RALGDS: variants seen among roughly 807,000 people sequenced by gnomAD.
RALGDS encodes the protein ral guanine nucleotide exchange factor.
In RALGDS, 44 loss-of-function variants were observed where a neutral mutation model predicts 99.8. That is an observed-to-expected ratio of 0.44 (90% CI 0.35 to 0.57). The LOEUF is 0.57. Ranked by LOEUF, RALGDS falls within the 20% of genes least tolerant of loss-of-function variation. The pLI, the probability that RALGDS is intolerant of heterozygous loss-of-function variation, is 0.01. For missense variants in RALGDS, 1,022 were observed against 1,203.1 expected (o/e 0.85, Z 2.23); for synonymous variants, 529 against 505.0 (o/e 1.05, Z -0.64).
upstream of RALGDS, among the ~76,000 whole-genome samples, chr9:133,131,402 T>A (rs952714857): frequency 9.9e-5 from 15 of 151,740 alleles, no homozygotes; most frequent in Admixed American, 5.2e-4. Context: ...TCCACTAAAA[T>A]CCCTCCACCA....
intron 16 of RALGDS, 131 bp from the exon 17 acceptor site, chr9:133,100,513 T>C (rs1830706444): frequency 6.4e-7 from 1 of 1,569,244 alleles, no homozygotes; most frequent in Non-Finnish European, 8.6e-7. Context: ...GGCCAGGTGC[T>C]GGGTCCGGAG....
upstream of RALGDS, among the ~76,000 whole-genome samples, chr9:133,134,211 C>A (rs1285250545): frequency 6.6e-6 from 1 of 152,206 alleles, no homozygotes; most frequent in Non-Finnish European, 1.5e-5. Flanking sequence ...GGAGGCTGCA[C>A]CTATGCCTGG....
chr9:133,142,308 T>C (rs997464098), intron 1 of RALGDS, among the ~76,000 whole-genome samples: 3 of 152,138 alleles, frequency 2.0e-5, no homozygotes, highest in South Asian at 4.1e-4. Context: ...TCCTGGACCC[T>C]GGTCTCTGCA....
At chr9:133,102,184 A>T in intron 14 of RALGDS, 45 bp from the exon 15 acceptor site, 1 of 1,539,340 alleles carries the variant, frequency 6.5e-7, no homozygotes, top group Non-Finnish European at 8.8e-7. Context: ...CCAAGGACAC[A>T]TCCCAACCCC....
intron 1 of RALGDS, among the ~76,000 whole-genome samples, chr9:133,112,934 C>A (rs748384336): frequency 6.6e-6 from 1 of 152,210 alleles, no homozygotes; most frequent in Non-Finnish European, 1.5e-5. Context: ...TGGGGTTCCA[C>A]AGAGCCCTAA....
intron 16 of RALGDS, chr9:133,101,028 CA>C: frequency 9.4e-7 from 1 of 1,065,216 alleles, no homozygotes. Flanking sequence ...CAGGCAAACC[CA>C]TTCTGTGAGC....
rs764765524 is a variant in RALGDS, at chr9:133,098,680, G to A, written c.2652C>T (p.Thr884=). 1.9e-6 allele frequency: 3 copies of A among 1,614,116 alleles called. No homozygotes were observed. In the South Asian group the frequency reaches 3.3e-5, roughly 18 times the overall value. The part of the protein sequence containing the change: ...ANYDFVLKKR[T]FTKGVKVKHG... ...GCTTGACCTTCACTCCCTTGGTGAAGGTCCGCTTCTTGAGGACAAAGTCAT... is the reference window on the plus strand; with the variant it reads ...GCTTGACCTTCACTCCCTTGGTGAAAGTCCGCTTCTTGAGGACAAAGTCAT... The change falls in exon 18 of 18, where the codon ACC becomes ACT. Residue 884 remains threonine, a synonymous_variant. Coordinates refer to ENST00000372050, the MANE Select transcript of RALGDS (RefSeq NM_006266.4).
chr9:133,143,738 C>CAATAATAAT (rs747330308), intron 1 of RALGDS, among the ~76,000 whole-genome samples: 1,361 of 107,972 alleles, frequency 0.013, 22 homozygotes, highest in East Asian at 0.026. Context: ...GACCCTGTCT[C>CAATAATAAT]AATAATAATA....
chr9:133,134,544 C>A (rs752787132), upstream of RALGDS, among the ~76,000 whole-genome samples: 3 of 152,220 alleles, frequency 2.0e-5, no homozygotes, highest in Non-Finnish European at 2.9e-5. Context: ...AGTGCCAAGG[C>A]AGGGTGTAAG....
At chr9:133,119,538 T>A (rs529157196) in intron 1 of RALGDS, among the ~76,000 whole-genome samples, 3 of 152,166 alleles carry the variant, frequency 2.0e-5, no homozygotes, top group East Asian at 1.9e-4. Context: ...TGCCTCTCCC[T>A]CAGTTCCTCA....
chr9:133,110,460 A>G lies in RALGDS; in HGVS notation c.324T>C (p.Tyr108=). 6.2e-7 allele frequency: 1 copy of G among 1,613,082 alleles called. No individual in the cohort carries two copies. The highest frequency in any genetic ancestry group is 2.2e-5 in the East Asian group (1 of 44,884). Residue 108 remains tyrosine (Y), a synonymous_variant, in exon 3 of 18, where the codon TAT becomes TAC. Coordinates refer to ENST00000372050, the MANE Select transcript of RALGDS (RefSeq NM_006266.4). ...GYENESALNL[Y]ETCKVRTVKA... ...TCACGGTCCGCACCTTGCAAGTCTC[A>G]TAAAGGTTCAGGGCCGACTCATTCT...
intron 1 of RALGDS, among the ~76,000 whole-genome samples, chr9:133,120,240 A>G (rs995176724): frequency 2.6e-5 from 4 of 151,142 alleles, no homozygotes; most frequent in African/African-American, 7.3e-5. Flanking sequence ...CCTCCCCTCC[A>G]TCCATCACAG....
Position 133,112,072 on chromosome 9 carries a change from G to A in RALGDS, c.264C>T (p.His88=), listed in dbSNP as rs749027818. The change falls in exon 2 of 18, where the codon CAC becomes CAT. Residue 88 remains histidine, a synonymous_variant. Coordinates refer to ENST00000372050, the MANE Select transcript of RALGDS (RefSeq NM_006266.4). ...SISLRKVQLH[H]GGNKGQRWLG... The stretch of plus-strand genomic sequence containing the variant: ...GCCAGCGCTGCCCCTTGTTGCCTCC[G>A]TGGTGCAGCTGCACCTTGCGCAGGG... The A allele has an allele frequency of 1.3e-5, 20 of 1,585,326 alleles. No individual in the cohort carries two copies. Among genetic ancestry groups the A allele is most frequent in the African/African-American group, 5.4e-5 (4 of 74,174 alleles).
chr9:133,103,152 G>A (rs1830842367), intron 12 of RALGDS, 78 bp downstream of exon 12: 1 of 1,556,312 alleles, frequency 6.4e-7, no homozygotes, highest in Non-Finnish European at 8.9e-7. Context: ...CTAAGGAGAG[G>A]GTAGGAGTTG....
chr9:133,123,622 T>TGGGTTG (rs1051950303), upstream of RALGDS, among the ~76,000 whole-genome samples: 2 of 152,240 alleles, frequency 1.3e-5, no homozygotes, highest in African/African-American at 4.8e-5. Context: ...CCCCTACCTT[T>TGGGTTG]GGGACTCACC....
chr9:133,108,435 G>T (rs1831179174), intron 5 of RALGDS, 29 bp from the exon 6 acceptor site: 1 of 1,528,166 alleles, frequency 6.5e-7, no homozygotes, highest in Non-Finnish European at 8.8e-7. Flanking sequence ...TCAACAACAT[G>T]CCAGCCTTTC....
At chr9:133,108,948 T>G (rs1246395559) in intron 4 of RALGDS, 82 bp from the exon 5 acceptor site, 1 of 1,371,930 alleles carries the variant, frequency 7.3e-7, no homozygotes, top group Non-Finnish European at 1.0e-6. Flanking sequence ...CCCCTGTCCA[T>G]CTGAAGGCCA....
chr9:133,103,105 C>T, intron 12 of RALGDS, 125 bp downstream of exon 12: 1 of 1,432,162 alleles, frequency 7.0e-7, no homozygotes, highest in Non-Finnish European at 9.7e-7. Context: ...AGGGGACCCC[C>T]TTCTCTCTGT....
chr9:133,104,407 G>C (rs2119134863), intron 9 of RALGDS, 76 bp from the exon 10 acceptor site: 1 of 1,348,286 alleles, frequency 7.4e-7, no homozygotes, highest in Non-Finnish European at 1.1e-6. Flanking sequence ...GGTGCTGCCA[G>C]TGTGGTCGGG....
Sources: allele counts gnomAD v4.1 joint callset (sites outside exome capture counted in the v4.1 genomes callset), GRCh38; gene constraint gnomAD v4.1.1; transcripts MANE v1.5; gene names NCBI Gene and HGNC (gene_info 2026-07-23, HGNC 2026-07-21).